The following CAMTA1 variants were observed in gnomAD, a reference collection of about 807,000 sequenced individuals.
The protein encoded by CAMTA1 is calmodulin binding transcription activator 1.
Under a neutral mutation model 170.9 loss-of-function variants are expected in CAMTA1, and 27 were observed. That is an observed-to-expected ratio of 0.16 (90% CI 0.12 to 0.22). CAMTA1 has a LOEUF of 0.22. Ranked by LOEUF, CAMTA1 falls within the 10% of genes least tolerant of loss-of-function variation. CAMTA1 has a pLI of 1.00. For missense variants in CAMTA1, 1,619 were observed against 2,217.2 expected (o/e 0.73, Z 5.42); for synonymous variants, 833 against 891.5 (o/e 0.93, Z 1.17).
chr1:7,480,140 C>T (rs1468964905), intron 6 of CAMTA1, among the ~76,000 whole-genome samples: 5 of 109,278 alleles, frequency 4.6e-5, no homozygotes, highest in South Asian at 6.3e-4. Flanking sequence ...TGTGTGTGAG[C>T]GCCTGTGTCC....
At chr1:7,492,845 GCACAAA>G (rs2093740081) in intron 6 of CAMTA1, among the ~76,000 whole-genome samples, 1 of 121,020 alleles carries the variant, frequency 8.3e-6, no homozygotes, top group South Asian at 2.8e-4. Context: ...ACACGCACAC[GCACAAA>G]CACAAACCTA....
intron 3 of CAMTA1, among the ~76,000 whole-genome samples, chr1:7,009,884 C>T (rs553997611): frequency 9.1e-4 from 139 of 152,320 alleles, no homozygotes; most frequent in Non-Finnish European, 1.7e-3. Context: ...CTGCGGTCCT[C>T]GTGCTTGGGC....
intron 6 of CAMTA1, among the ~76,000 whole-genome samples, chr1:7,596,028 G>T (rs1328003444): frequency 6.6e-6 from 1 of 152,198 alleles, no homozygotes; most frequent in Non-Finnish European, 1.5e-5. Context: ...GCAACAGCAA[G>T]CTGGGCAATT....
chr1:6,916,706 T>C (rs1370227923), intron 3 of CAMTA1, among the ~76,000 whole-genome samples: 2 of 152,204 alleles, frequency 1.3e-5, no homozygotes, highest in Non-Finnish European at 2.9e-5. Flanking sequence ...GTTGTGGTCC[T>C]GGGCCTCCAG....
chr1:7,663,574 G>A lies in CAMTA1; in HGVS notation c.1027G>A (p.Val343Ile). The change falls in exon 9 of 23, where the codon GTC (valine) becomes ATC (isoleucine). Residue 343 changes from valine to isoleucine, a missense_variant. This residue lies in a region of CAMTA1 where 731 missense variants were observed against 907.6 expected (regional missense o/e 0.81). Coordinates refer to ENST00000303635, the MANE Select transcript of CAMTA1 (RefSeq NM_015215.4). ...PVLLHQSSTE[V>I]SSTNQVEVPD... ...GCTCCTGCACCAGAGCAGCACCGAG[G>A]TCTCCTCCACCAACCAGGTGGAAGT... is the stretch of plus-strand genomic sequence containing the variant. 5 of 1,613,604 alleles carry A rather than the reference G, an allele frequency of 3.1e-6. No individual in the cohort carries two copies. The highest frequency in any genetic ancestry group is 4.2e-6 in the Non-Finnish European group (5 of 1,179,640).
At chr1:6,830,585 C>T (rs1338649625) in intron 3 of CAMTA1, among the ~76,000 whole-genome samples, 1 of 152,142 alleles carries the variant, frequency 6.6e-6, no homozygotes, top group African/African-American at 2.4e-5. Flanking sequence ...TCAGGTGATC[C>T]GCCTGCCTCA....
chr1:7,545,995 G>A (rs1309416703), intron 6 of CAMTA1, among the ~76,000 whole-genome samples: 5 of 145,104 alleles, frequency 3.4e-5, no homozygotes, highest in South Asian at 2.2e-4. Flanking sequence ...TCGCTCTGTC[G>A]CCCAGGCTGG....
chr1:7,750,866 G>A (rs958204690), intron 19 of CAMTA1: 21 of 329,886 alleles, frequency 6.4e-5, no homozygotes, highest in East Asian at 5.9e-4. Context: ...TTAATCCGAA[G>A]CATTTAAAAT....
chr1:7,190,680 A>G (rs1314058921), intron 4 of CAMTA1, among the ~76,000 whole-genome samples: 1 of 152,206 alleles, frequency 6.6e-6, no homozygotes, highest in African/African-American at 2.4e-5. Flanking sequence ...AAAAAAACAA[A>G]TATAGTAAGC....
At position 7,234,378 on chromosome 1, in the gene CAMTA1, C is replaced by A. The variant is rs1239105466; in HGVS notation, c.303-15113C>A. Among the ~76,000 whole-genome samples the A allele has an allele frequency of 6.6e-6, 1 of 152,194 alleles. No individual in the cohort carries two copies. On this transcript the variant is annotated intron_variant, in intron 4 of 22. Coordinates refer to ENST00000303635, the MANE Select transcript of CAMTA1 (RefSeq NM_015215.4). This position sits in a 1 kb window ranked among gnomAD's most constrained non-coding sequence, Gnocchi z 5.0. ...CACCCACTCACAGCTGTTCTCAAAC[C>A]CACTCATTCGCTATCTCTGGTGGGT... is the stretch of plus-strand genomic sequence containing the variant.
intron 4 of CAMTA1, among the ~76,000 whole-genome samples, chr1:7,214,266 A>C (rs1259413165): frequency 6.6e-6 from 1 of 152,118 alleles, no homozygotes; most frequent in African/African-American, 2.4e-5. Context: ...CCTCTCCAGC[A>C]CCTGTTGTTT....
chr1:7,282,513 G>C (rs1411754138), intron 5 of CAMTA1, among the ~76,000 whole-genome samples: 1 of 152,160 alleles, frequency 6.6e-6, no homozygotes, highest in Non-Finnish European at 1.5e-5. Flanking sequence ...GAATTTCTGG[G>C]TAGCATTTGA....
At chr1:7,096,219 T>C (rs1642056584) in intron 4 of CAMTA1, among the ~76,000 whole-genome samples, 1 of 152,096 alleles carries the variant, frequency 6.6e-6, no homozygotes, top group African/African-American at 2.4e-5. Flanking sequence ...TCAAAAAGAC[T>C]CCAGTGGCTC....
intron 3 of CAMTA1, among the ~76,000 whole-genome samples, chr1:6,986,737 T>G (rs1288935104): frequency 6.6e-6 from 1 of 152,084 alleles, no homozygotes; most frequent in East Asian, 1.9e-4. Context: ...CTGGTGGTTG[T>G]CTGTACCTGG....
At position 7,409,662 on chromosome 1, in the gene CAMTA1, G is replaced by A. The variant is rs539510997; in HGVS notation, c.439-58168G>A. ...TAGGAGGGATTGCCGTCTCCACAGGGAGGAACAAGGGCTCAGAGAAGCTAA... is the reference window on the plus strand; with the variant it reads ...TAGGAGGGATTGCCGTCTCCACAGGAAGGAACAAGGGCTCAGAGAAGCTAA... On this transcript the variant is annotated intron_variant, in intron 5 of 22. Transcript: ENST00000303635. Among the ~76,000 whole-genome samples, 7 of 152,322 alleles carry A rather than the reference G, an allele frequency of 4.6e-5. 1 individual carries two copies. The highest frequency in any genetic ancestry group is 3.3e-4 in the Admixed American group (5 of 15,310).
At chr1:7,406,102 G>T (rs1395066131) in intron 5 of CAMTA1, among the ~76,000 whole-genome samples, 5 of 152,248 alleles carry the variant, frequency 3.3e-5, no homozygotes. Flanking sequence ...AGCAGCATGG[G>T]CTCCTGGTGC....
At chr1:7,030,976 A>G (rs1464842068) in intron 3 of CAMTA1, among the ~76,000 whole-genome samples, 2 of 148,280 alleles carry the variant, frequency 1.3e-5, no homozygotes, top group African/African-American at 5.0e-5. Context: ...CTGGGACTAC[A>G]GGCGCTCGCC....
chr1:7,301,686 G>C (rs1288776719), intron 5 of CAMTA1, among the ~76,000 whole-genome samples: 6 of 152,196 alleles, frequency 3.9e-5, no homozygotes, highest in Non-Finnish European at 5.9e-5. Context: ...TGAAGACTGG[G>C]ACAGACATGA....
chr1:7,125,359 C>T (rs2148490650), intron 4 of CAMTA1, among the ~76,000 whole-genome samples: 1 of 152,252 alleles, frequency 6.6e-6, no homozygotes, highest in Middle Eastern at 3.4e-3. Context: ...TCCTGTGTCC[C>T]AGATGCCATG....
Sources: allele counts gnomAD v4.1 joint callset (sites outside exome capture counted in the v4.1 genomes callset), GRCh38; gene constraint gnomAD v4.1.1; regional missense constraint gnomAD v4.1.1; non-coding constraint Gnocchi (gnomAD v3.1); transcripts MANE v1.5; gene names NCBI Gene and HGNC (gene_info 2026-07-23, HGNC 2026-07-21).